Variants in TEX36 observed in about 807,000 individuals in gnomAD.
The protein encoded by TEX36 is testis-expressed protein 36.
TEX36 carries 12 observed loss-of-function variants against 13.6 expected under a neutral mutation model. The observed-to-expected ratio is 0.88, with a 90% confidence interval of 0.56 to 1.43. The LOEUF is 1.43. TEX36 is among the 40% of genes most tolerant of loss of function. The pLI, the probability that TEX36 is intolerant of heterozygous loss-of-function variation, is 0.00. For synonymous variants in TEX36, 93 were observed against 83.0 expected (o/e 1.12, Z -0.65); for missense variants, 224 against 228.3 (o/e 0.98, Z 0.12).
At chr10:125,637,007 A>T (rs965089970) in intron 3 of TEX36, among the ~76,000 whole-genome samples, 1 of 152,106 alleles carries the variant, frequency 6.6e-6, no homozygotes, top group African/African-American at 2.4e-5. Flanking sequence ...CATCTCAGAT[A>T]AGTAGAATTA....
chr10:125,679,298 G>T (rs1163619142), intron 1 of TEX36, among the ~76,000 whole-genome samples: 1 of 152,104 alleles, frequency 6.6e-6, no homozygotes, highest in African/African-American at 2.4e-5. Context: ...AGTGCTCTCA[G>T]CTCACTCCTC....
At chr10:125,673,027 C>G (rs369067343) in intron 1 of TEX36, among the ~76,000 whole-genome samples, 2 of 152,258 alleles carry the variant, frequency 1.3e-5, no homozygotes, top group Admixed American at 1.3e-4. Flanking sequence ...TGTCTTTGCA[C>G]GTGAGATGGG....
intron 3 of TEX36, among the ~76,000 whole-genome samples, chr10:125,629,401 T>C (rs754784699): frequency 2.0e-5 from 3 of 152,182 alleles, no homozygotes; most frequent in African/African-American, 7.2e-5. Flanking sequence ...TCAGAATGCA[T>C]GGGGGGAGGT....
chr10:125,676,175 T>C (rs1589790593), intron 1 of TEX36, among the ~76,000 whole-genome samples: 2 of 152,228 alleles, frequency 1.3e-5, no homozygotes, highest in African/African-American at 2.4e-5. Flanking sequence ...TTGGTTGAGT[T>C]ACTGTCTAGA....
intron 3 of TEX36, among the ~76,000 whole-genome samples, chr10:125,649,377 C>T (rs989728044): frequency 5.9e-5 from 9 of 152,188 alleles, no homozygotes; most frequent in African/African-American, 2.2e-4. Flanking sequence ...ATTTTCAACA[C>T]ATAATTTCAC....
chr10:125,664,380 G>A (rs1801618244), intron 1 of TEX36, among the ~76,000 whole-genome samples: 1 of 152,050 alleles, frequency 6.6e-6, no homozygotes, highest in African/African-American at 2.4e-5. Flanking sequence ...CGAATCACAT[G>A]GTAGTTCTAT....
intron 3 of TEX36, among the ~76,000 whole-genome samples, chr10:125,588,968 G>A (rs1845991044): frequency 6.6e-6 from 1 of 152,202 alleles, no homozygotes; most frequent in Admixed American, 6.5e-5. Flanking sequence ...ACCAATGGCT[G>A]GCACTAAGCC....
chr10:125,620,735 T>C (rs1846419656), downstream of TEX36, among the ~76,000 whole-genome samples: 1 of 152,240 alleles, frequency 6.6e-6, no homozygotes, highest in Non-Finnish European at 1.5e-5. Context: ...CAGAACATTT[T>C]CATCTTGCAA....
At chr10:125,582,571 A>G (rs1166678020) in intron 3 of TEX36, among the ~76,000 whole-genome samples, 1 of 152,204 alleles carries the variant, frequency 6.6e-6, no homozygotes, top group Non-Finnish European at 1.5e-5. Context: ...CATTTATTTG[A>G]GTGAACTTGA....
intron 3 of TEX36, among the ~76,000 whole-genome samples, chr10:125,599,053 A>T (rs144255049): frequency 6.6e-6 from 1 of 152,186 alleles, no homozygotes; most frequent in Non-Finnish European, 1.5e-5. Flanking sequence ...TGCTACCTGA[A>T]GAGTCACTCA....
chr10:125,663,485 T>C (rs970981495), intron 1 of TEX36, among the ~76,000 whole-genome samples: 4 of 152,234 alleles, frequency 2.6e-5, no homozygotes, highest in African/African-American at 9.6e-5. Flanking sequence ...CTATTTTCCA[T>C]AGTGGCTCTA....
rs1349601803 is a variant in TEX36, at chr10:125,577,879, G to A, written c.265-1005C>T. 4.6e-5 allele frequency among the ~76,000 whole-genome samples: 7 copies of A among 152,240 alleles called. No homozygotes were observed. In the East Asian group the frequency reaches 9.6e-4, roughly 21 times the overall value. On this transcript the variant is annotated intron_variant, in intron 3 of 3. Transcript: ENST00000532135. ...GAGTACTGACTTTTTTTGGTTTCCG[G>A]GGGAATGTGAGCAAAGAGAGGAGAA...
intron 1 of TEX36, among the ~76,000 whole-genome samples, chr10:125,664,887 T>C (rs1293460311): frequency 1.3e-5 from 2 of 152,228 alleles, no homozygotes; most frequent in African/African-American, 2.4e-5. Flanking sequence ...TGTGATTGCC[T>C]GTCTTTAGGA....
chr10:125,603,856 C>T (rs1846180877), intron 3 of TEX36, among the ~76,000 whole-genome samples: 1 of 152,140 alleles, frequency 6.6e-6, no homozygotes, highest in Non-Finnish European at 1.5e-5. Flanking sequence ...TGCCCCATGT[C>T]ACCAAGCAAA....
intron 3 of TEX36, among the ~76,000 whole-genome samples, chr10:125,630,838 A>G (rs1846544129): frequency 6.6e-6 from 1 of 152,078 alleles, no homozygotes; most frequent in Non-Finnish European, 1.5e-5. Flanking sequence ...GAGAGAGGAA[A>G]TTACCCAAGG....
chr10:125,602,499 G>A (rs1395714627), intron 3 of TEX36, among the ~76,000 whole-genome samples: 12 of 152,090 alleles, frequency 7.9e-5, no homozygotes, highest in Admixed American at 7.2e-4. Context: ...CAGGGGTCAG[G>A]CAAGCCCCAT....
In TEX36 at chr10:125,683,156, G is replaced by A. The variant is rs1337573256; in HGVS notation, c.-167C>T. 1.3e-6 allele frequency: 1 copy of A among 761,708 alleles called. No individual in the cohort carries two copies. Among genetic ancestry groups the A allele is most frequent in the South Asian group, 1.7e-5 (1 of 59,606 alleles). 47.2% of individuals were successfully genotyped at this position (761,708 alleles called of 1,614,324 possible). On this transcript the variant is annotated 5_prime_UTR_variant, in exon 1 of 4. Coordinates refer to ENST00000368821, the MANE Select transcript of TEX36 (RefSeq NM_001128202.3). ...TCTCAGCCTCTTCCAGGAGGGGAAG[G>A]TGCGGGTGCCCATTGTTGTCATGGA...
chr10:125,673,633 C>A (rs1847266210), intron 1 of TEX36, among the ~76,000 whole-genome samples: 1 of 149,412 alleles, frequency 6.7e-6, no homozygotes, highest in South Asian at 2.1e-4. Context: ...TCAATGGAAC[C>A]CAGGAGGTGG....
chr10:125,580,846 G>A (rs1008520872), intron 3 of TEX36, among the ~76,000 whole-genome samples: 1 of 152,130 alleles, frequency 6.6e-6, no homozygotes, highest in Non-Finnish European at 1.5e-5. Flanking sequence ...ACACAACCAG[G>A]CCCATCAGAG....
Sources: gnomAD v4.1 joint callset for allele counts (sites outside exome capture counted in the v4.1 genomes callset) on GRCh38, gnomAD v4.1.1 for gene constraint, MANE v1.5 for transcripts, NCBI Gene and HGNC (gene_info 2026-07-23, HGNC 2026-07-21) for gene names.